The following UBL3 variants were observed in gnomAD, a reference collection of about 807,000 sequenced individuals.
UBL3 encodes ubiquitin-like protein 3.
Under a neutral mutation model 18.4 loss-of-function variants are expected in UBL3, and 6 were observed. The observed-to-expected ratio is 0.33, with a 90% confidence interval of 0.18 to 0.64. The LOEUF is 0.64. UBL3 is among the 30% of genes least tolerant of loss of function. The pLI is 0.76. For missense variants in UBL3, 109 were observed against 142.9 expected (o/e 0.76, Z 1.21); for synonymous variants, 49 against 46.6 (o/e 1.05, Z -0.21).
At chr13:29,825,960 G>T (rs1190820392) in intron 1 of UBL3, among the ~76,000 whole-genome samples, 1 of 152,162 alleles carries the variant, frequency 6.6e-6, no homozygotes, top group East Asian at 1.9e-4. Flanking sequence ...TAATCATGTG[G>T]TTTTTGTCTT....
intron 1 of UBL3, among the ~76,000 whole-genome samples, chr13:29,825,701 C>T (rs1460037826): frequency 2.0e-5 from 3 of 152,034 alleles, no homozygotes; most frequent in Admixed American, 6.6e-5. Context: ...TTCTCCTGCC[C>T]GATTGCTCTG....
chr13:29,780,515 GT>G (rs1877127181), intron 1 of UBL3, among the ~76,000 whole-genome samples: 1 of 150,000 alleles, frequency 6.7e-6, no homozygotes, highest in South Asian at 2.1e-4. Flanking sequence ...TGGTGAGAAG[GT>G]TGACAAAAAA....
rs776247925 is a variant in UBL3 at position 29,767,603 on chromosome 13, C to CA, written c.301+14dup. On this transcript the variant is annotated intron_variant, in intron 4 of 4. Transcript: ENST00000380680. ...TTGTGCCTCAACTGAGATACTTTTC[C>CA]AGTGCATGGCTTACCTTGAGAGTTT... 1 of 1,610,552 alleles carries CA rather than the reference C, an allele frequency of 6.2e-7. No homozygotes were observed. Among genetic ancestry groups the CA allele is most frequent in the Non-Finnish European group, 8.5e-7 (1 of 1,178,358 alleles).
chr13:29,779,530 G>A (rs1296734923), intron 1 of UBL3, among the ~76,000 whole-genome samples: 1 of 152,042 alleles, frequency 6.6e-6, no homozygotes, highest in East Asian at 1.9e-4. Context: ...AATGATGAAA[G>A]GAAATAGATT....
chr13:29,800,383 G>C (rs995791393), intron 1 of UBL3, among the ~76,000 whole-genome samples: 1 of 152,190 alleles, frequency 6.6e-6, no homozygotes, highest in Non-Finnish European at 1.5e-5. Context: ...TGAGGAGAGA[G>C]AGGAGCACTT....
At chr13:29,767,494 T>C in intron 4 of UBL3, 124 bp downstream of exon 4, 2 of 1,211,930 alleles carry the variant, frequency 1.7e-6, no homozygotes, top group East Asian at 5.0e-5. Context: ...GGTTATTTGC[T>C]TGACAATCTC....
chr13:29,826,047 C>T (rs181740253), intron 1 of UBL3, among the ~76,000 whole-genome samples: 1 of 152,206 alleles, frequency 6.6e-6, no homozygotes, highest in East Asian at 1.9e-4. Context: ...GGATGAAGCC[C>T]ACTTGATCAT....
chr13:29,793,594 A>C (rs1228902628), intron 1 of UBL3, among the ~76,000 whole-genome samples: 1 of 152,148 alleles, frequency 6.6e-6, no homozygotes, highest in Admixed American at 6.6e-5. Context: ...AATTACTCAA[A>C]TATTCTATTT....
chr13:29,812,258 A>G (rs1878108955), intron 1 of UBL3, among the ~76,000 whole-genome samples: 2 of 152,056 alleles, frequency 1.3e-5, no homozygotes, highest in African/African-American at 4.8e-5. Context: ...AAGAGTTTTC[A>G]GGCTGGGAAT....
In UBL3 at chr13:29,850,121, C is replaced by G. The variant is rs1033134228; in HGVS notation, c.-583G>C. 2.6e-5 allele frequency: 4 copies of G among 152,400 alleles called. No individual in the cohort carries two copies. The highest frequency in any genetic ancestry group is 5.9e-5 in the Non-Finnish European group (4 of 68,122). The allele number at this position is 152,400 out of a possible 1,614,324, so 9.4% of individuals were successfully genotyped here. On this transcript the variant is annotated 5_prime_UTR_variant, in exon 1 of 5. Coordinates refer to ENST00000380680, the MANE Select transcript of UBL3 (RefSeq NM_007106.4). ...CGGACAGCGCGGGGAAACGGCTCAA[C>G]TCGCGCCGCGGGGGCGAAGAGCCGG... is the stretch of plus-strand genomic sequence containing the variant.
rs555945608 is a variant in UBL3 at position 29,769,652 on chromosome 13, T to C, written c.224-1957A>G. ...TTTTTGGAAATGCTAATCTGGGCCA[T>C]ACTGAATGCCAAAGCTTTAGCTGAT... On this transcript the variant is annotated intron_variant, in intron 3 of 4. Coordinates refer to ENST00000380680, the MANE Select transcript of UBL3 (RefSeq NM_007106.4). 5.9e-5 allele frequency among the ~76,000 whole-genome samples: 9 copies of C among 152,200 alleles called. No homozygotes were observed. In the South Asian group the frequency reaches 1.0e-3, roughly 18 times the overall value.
At chr13:29,826,709 T>C (rs1878629453) in intron 1 of UBL3, among the ~76,000 whole-genome samples, 2 of 152,342 alleles carry the variant, frequency 1.3e-5, no homozygotes, top group South Asian at 2.1e-4. Context: ...ATCTTAGTTA[T>C]TTCTTGCCTT....
chr13:29,833,688 C>G (rs1393354602), intron 1 of UBL3, among the ~76,000 whole-genome samples: 2 of 152,184 alleles, frequency 1.3e-5, no homozygotes, highest in East Asian at 3.9e-4. Context: ...CTCAGCACTC[C>G]CAACCCCCTT....
In UBL3 at chr13:29,780,406, GTA is replaced by G. The variant is rs1167363105; in HGVS notation, c.28-3145_28-3144del. ...TATATATATATGTGTGTGTGTGTGT[GTA>G]TATATATATAATAAGTTATATATAT... is the stretch of plus-strand genomic sequence containing the variant. On this transcript the variant is annotated intron_variant, in intron 1 of 4. Transcript: ENST00000380680. Among the ~76,000 whole-genome samples, 4 of 133,930 alleles carry G rather than the reference GTA, an allele frequency of 3.0e-5. No homozygotes were observed. In the Admixed American group the frequency reaches 3.0e-4, roughly 10 times the overall value. The allele number at this position is 133,930 out of a possible 152,430, so 87.9% of individuals were successfully genotyped here. A position where few individuals can be genotyped will look rare whatever the true frequency, so the allele number is the denominator to read the frequency against.
chr13:29,828,647 T>G (rs1878687324), intron 1 of UBL3, among the ~76,000 whole-genome samples: 1 of 152,218 alleles, frequency 6.6e-6, no homozygotes, highest in South Asian at 2.1e-4. Context: ...CGGAGAAGTC[T>G]GATCATCTGA....
At chr13:29,835,148 AT>A (rs1878918991) in intron 1 of UBL3, among the ~76,000 whole-genome samples, 15 of 22,640 alleles carry the variant, frequency 6.6e-4, no homozygotes, top group East Asian at 1.7e-3. Context: ...ATATATATAT[AT>A]ATATATATAT....
chr13:29,847,040 T>C (rs114131396), intron 1 of UBL3, among the ~76,000 whole-genome samples: 2 of 152,334 alleles, frequency 1.3e-5, no homozygotes, highest in African/African-American at 4.8e-5. Flanking sequence ...TGTCAATTCA[T>C]GGTATTAAGA....
chr13:29,797,469 G>A (rs772197517), intron 1 of UBL3, among the ~76,000 whole-genome samples: 3 of 152,080 alleles, frequency 2.0e-5, no homozygotes, highest in East Asian at 1.9e-4. Flanking sequence ...CATTTACACC[G>A]GCCAAGATAG....
intron 1 of UBL3, among the ~76,000 whole-genome samples, chr13:29,789,126 C>G (rs1039944484): frequency 1.3e-5 from 2 of 152,002 alleles, no homozygotes; most frequent in Non-Finnish European, 2.9e-5. Flanking sequence ...TTCAAACTTT[C>G]GACCTCAGGT....
Sources: allele counts gnomAD v4.1 joint callset (sites outside exome capture counted in the v4.1 genomes callset), GRCh38; gene constraint gnomAD v4.1.1; transcripts MANE v1.5; gene names NCBI Gene and HGNC (gene_info 2026-07-23, HGNC 2026-07-21).